Variants in VAV2 observed in about 807,000 individuals in gnomAD.
VAV2 encodes vav guanine nucleotide exchange factor 2.
Under a neutral mutation model 132.5 loss-of-function variants are expected in VAV2, and 67 were observed. The ratio of observed to expected loss-of-function variants is 0.51; its 90% confidence interval spans 0.42 to 0.62. The LOEUF is 0.62. Among genes scored for constraint, VAV2 ranks in the 20% least tolerant of loss-of-function variants. The pLI, the probability that VAV2 is intolerant of heterozygous loss-of-function variation, is 0.00. For synonymous variants in VAV2, 492 were observed against 443.5 expected (o/e 1.11, Z -1.37); for missense variants, 938 against 1,153.6 (o/e 0.81, Z 2.71).
Position 133,824,299 on chromosome 9 carries a change from G to T in VAV2, c.449+9973C>A, listed in dbSNP as rs1835903094. Among the ~76,000 whole-genome samples the T allele has an allele frequency of 6.6e-6, 1 of 152,096 alleles. No individual in the cohort carries two copies. The highest frequency in any genetic ancestry group is 1.5e-5 in the Non-Finnish European group (1 of 68,006). On this transcript the variant is annotated intron_variant, in intron 4 of 29. Transcript: ENST00000371850. The surrounding 1 kb of genome is among the most constrained non-coding windows in gnomAD (Gnocchi z 5.2). ...TAGACCACAGGAGCGAGAAAGGCTGGACTGCCTACAGAGGATCCCCACCGA... is the reference window on the plus strand; with the variant it reads ...TAGACCACAGGAGCGAGAAAGGCTGTACTGCCTACAGAGGATCCCCACCGA...
At position 133,863,951 on chromosome 9, in the gene VAV2, A is replaced by T. The variant is rs575298891; in HGVS notation, c.322-2519T>A. Among the ~76,000 whole-genome samples the T allele has an allele frequency of 6.9e-4, 105 of 152,260 alleles. 2 individuals carry two copies. Among genetic ancestry groups the T allele is most frequent in the African/African-American group, 2.4e-3 (98 of 41,568 alleles). On this transcript the variant is annotated intron_variant, in intron 2 of 29. Coordinates refer to ENST00000371850, the MANE Select transcript of VAV2 (RefSeq NM_001134398.2). This position sits in a 1 kb window ranked among gnomAD's most constrained non-coding sequence, Gnocchi z 5.0. The stretch of plus-strand genomic sequence containing the variant: ...CCCTGCAGGAGGAGGGATGCCCTAC[A>T]GTAGCTCCCCAGGGCACCTCTGGCT...
chr9:133,951,581 C>G (rs894861679), intron 1 of VAV2, among the ~76,000 whole-genome samples: 2 of 152,144 alleles, frequency 1.3e-5, no homozygotes, highest in Admixed American at 1.3e-4. Context: ...GACTAGAACC[C>G]CTCTCAGCCT....
At chr9:133,931,752 G>A (rs1402483876) in intron 2 of VAV2, among the ~76,000 whole-genome samples, 1 of 152,188 alleles carries the variant, frequency 6.6e-6, no homozygotes, top group South Asian at 2.1e-4. Flanking sequence ...CGTCACAGGA[G>A]AGGACATCAG....
At chr9:133,920,098 G>T (rs926655664) in intron 2 of VAV2, among the ~76,000 whole-genome samples, 4 of 152,164 alleles carry the variant, frequency 2.6e-5, no homozygotes, top group Non-Finnish European at 5.9e-5. Context: ...CGCACACCGA[G>T]AACCAGGCCT....
intron 13 of VAV2, 73 bp from the exon 14 acceptor site, chr9:133,789,416 G>T: frequency 6.8e-7 from 1 of 1,469,742 alleles, no homozygotes; most frequent in Middle Eastern, 1.7e-4. Flanking sequence ...GGGCAGGGCA[G>T]ACTGTCGTGC....
chr9:133,948,843 G>A (rs1025606209), intron 1 of VAV2, among the ~76,000 whole-genome samples: 1 of 152,256 alleles, frequency 6.6e-6, no homozygotes, highest in Non-Finnish European at 1.5e-5. Flanking sequence ...TACAGGTGGA[G>A]AAACGGCTCA....
chr9:133,800,365 C>T (rs1315428801), intron 9 of VAV2, among the ~76,000 whole-genome samples: 4 of 152,224 alleles, frequency 2.6e-5, no homozygotes, highest in African/African-American at 9.6e-5. Context: ...TTCCCAAGAC[C>T]GCCTGGAGGC....
intron 1 of VAV2, among the ~76,000 whole-genome samples, chr9:133,975,500 A>G (rs935619104): frequency 3.9e-5 from 6 of 152,230 alleles, no homozygotes; most frequent in African/African-American, 1.4e-4. Flanking sequence ...TTTTCAAAAC[A>G]CGACATGTAT....
At chr9:133,965,226 G>A (rs534380596) in intron 1 of VAV2, among the ~76,000 whole-genome samples, 1 of 151,982 alleles carries the variant, frequency 6.6e-6, no homozygotes, top group African/African-American at 2.4e-5. Context: ...AGTGGCTCAT[G>A]CCTCTAATCA....
At chr9:133,938,924 T>C (rs1186425755) in intron 2 of VAV2, among the ~76,000 whole-genome samples, 179 bp downstream of exon 2, 1 of 152,216 alleles carries the variant, frequency 6.6e-6, no homozygotes, top group Admixed American at 6.5e-5. Flanking sequence ...AATCTGGCTT[T>C]CACACCTTCC....
chr9:133,992,259 C>T lies in VAV2; in HGVS notation c.20G>A (p.Cys7Tyr), dbSNP rs749929702. The T allele has an allele frequency of 1.3e-6, 2 of 1,564,704 alleles. No homozygotes were observed. Among genetic ancestry groups the T allele is most frequent in the Non-Finnish European group, 1.7e-6 (2 of 1,156,602 alleles). Reference protein sequence around the residue: MEQWRQCGRWLIDCKVL... With the variant: MEQWRQYGRWLIDCKVL... ...CTTGCAATCGATGAGCCAGCGGCCG[C>T]ACTGCCGCCACTGCTCCATGGCGCC... Residue 7 changes from cysteine to tyrosine, a missense_variant, in exon 1 of 30, where the codon TGC becomes TAC. Coordinates refer to ENST00000371850, the MANE Select transcript of VAV2 (RefSeq NM_001134398.2). The surrounding 1 kb of genome is among the most constrained non-coding windows in gnomAD (Gnocchi z 5.5).
At chr9:133,946,471 GT>G (rs1161507102) in intron 1 of VAV2, among the ~76,000 whole-genome samples, 3 of 152,258 alleles carry the variant, frequency 2.0e-5, no homozygotes, top group Non-Finnish European at 4.4e-5. Flanking sequence ...CAAGCTGGGG[GT>G]CTCCATGTGC....
At chr9:133,962,513 C>G (rs1432947339) in intron 1 of VAV2, among the ~76,000 whole-genome samples, 2 of 152,204 alleles carry the variant, frequency 1.3e-5, no homozygotes, top group African/African-American at 4.8e-5. Flanking sequence ...ATCCCCCAGC[C>G]CAGGGCACCT....
At chr9:133,933,988 ATGGG>A (rs1840807613) in intron 2 of VAV2, among the ~76,000 whole-genome samples, 1 of 139,756 alleles carries the variant, frequency 7.2e-6, no homozygotes, top group Non-Finnish European at 1.5e-5. Flanking sequence ...GGATGGGTGA[ATGGG>A]TGGGTAGATG....
At chr9:133,858,654 G>T (rs1837476612) in intron 3 of VAV2, among the ~76,000 whole-genome samples, 1 of 152,156 alleles carries the variant, frequency 6.6e-6, no homozygotes, top group Non-Finnish European at 1.5e-5. Context: ...CCTGAGCCCT[G>T]GGATTTACAG....
rs540766206 is a variant in VAV2, at chr9:133,938,758, G to A, written c.321+345C>T. 2.0e-5 allele frequency among the ~76,000 whole-genome samples: 3 copies of A among 152,170 alleles called. No individual in the cohort carries two copies. In the East Asian group the frequency reaches 5.8e-4, roughly 29 times the overall value. ...TCTCAGAGGAAGAATCAAGATTCAG[G>A]GCAGGAGGTAAATGCTCAGCATCCC... On this transcript the variant is annotated intron_variant, in intron 2 of 29. Coordinates refer to ENST00000371850, the MANE Select transcript of VAV2 (RefSeq NM_001134398.2).
intron 22 of VAV2, among the ~76,000 whole-genome samples, chr9:133,778,193 C>T (rs879312134): frequency 2.0e-4 from 16 of 81,684 alleles, no homozygotes; most frequent in African/African-American, 1.8e-3. Flanking sequence ...CAAAGGTCCC[C>T]GGGATGAACG....
At chr9:133,809,178 C>T (rs1564368381) in intron 6 of VAV2, 40 bp from the exon 7 acceptor site, 6 of 1,577,476 alleles carry the variant, frequency 3.8e-6, no homozygotes, top group Admixed American at 1.7e-5. Context: ...CCCCATGGGC[C>T]CGGCCACCTG....
chr9:133,938,828 C>A (rs1021507221), intron 2 of VAV2, among the ~76,000 whole-genome samples: 1 of 152,182 alleles, frequency 6.6e-6, no homozygotes, highest in African/African-American at 2.4e-5. Context: ...TCTGCTCTTC[C>A]CCCACCCGCC....
Sources: allele counts gnomAD v4.1 joint callset (sites outside exome capture counted in the v4.1 genomes callset), GRCh38; gene constraint gnomAD v4.1.1; non-coding constraint Gnocchi (gnomAD v3.1); transcripts MANE v1.5; gene names NCBI Gene and HGNC (gene_info 2026-07-23, HGNC 2026-07-21).